ZNF546: variants seen among roughly 807,000 people sequenced by gnomAD.
ZNF546 encodes zinc finger protein 546.
Under a neutral mutation model 76.2 loss-of-function variants are expected in ZNF546, and 60 were observed. That is an observed-to-expected ratio of 0.79 (90% CI 0.64 to 0.98). The LOEUF is 0.98. Among genes scored for constraint, ZNF546 ranks in the 50% least tolerant of loss-of-function variants. The pLI, the probability that ZNF546 is intolerant of heterozygous loss-of-function variation, is 0.00. For synonymous variants in ZNF546, 277 were observed against 328.1 expected, an observed-to-expected ratio of 0.84 and a Z score of 1.68; for missense variants, 936 against 1,035.6, an observed-to-expected ratio of 0.90 and a Z score of 1.32.
At position 40,016,256 on chromosome 19, in the gene ZNF546, C is replaced by T. The variant is rs529967578; in HGVS notation, c.*475C>T. ...AAAATGCGGGCCAGGCACAGTGGCT[C>T]ACACCTGTAATCCCAGCACTATGGG... is the stretch of plus-strand genomic sequence containing the variant. On this transcript the variant is annotated 3_prime_UTR_variant, in exon 7 of 7. Transcript: ENST00000347077. 6 of 174,258 alleles carry T rather than the reference C, an allele frequency of 3.4e-5. No individual in the cohort carries two copies. In the South Asian group the frequency reaches 6.5e-4, roughly 19 times the overall value. The allele number at this position is 174,258 out of a possible 1,614,324, so 10.8% of individuals were successfully genotyped here. A position where few individuals can be genotyped will look rare whatever the true frequency, so the allele number is the denominator to read the frequency against.
At chr19:40,008,686 A>G in intron 6 of ZNF546, 121 bp downstream of exon 6, 1 of 612,578 alleles carries the variant, frequency 1.6e-6, no homozygotes, top group Non-Finnish European at 2.8e-6. Flanking sequence ...GCCTGTGGAA[A>G]AAGGACTGAT....
intron 6 of ZNF546, 131 bp from the exon 7 acceptor site, chr19:40,013,534 T>C (rs1971697823): frequency 6.1e-6 from 5 of 821,016 alleles, no homozygotes; most frequent in Non-Finnish European, 9.1e-6. Context: ...ACCATTTATT[T>C]CTAATGTATG....
At position 40,018,293 on chromosome 19, in the gene ZNF546, C is replaced by A. The variant is rs931033959; in HGVS notation, c.*2512C>A. 1 of 152,048 alleles carries A rather than the reference C, an allele frequency of 6.6e-6. No homozygotes were observed. The highest frequency in any genetic ancestry group is 6.6e-5 in the Admixed American group (1 of 15,264). 9.4% of individuals were successfully genotyped at this position (152,048 alleles called of 1,614,324 possible). On this transcript the variant is annotated 3_prime_UTR_variant, in exon 7 of 7. Coordinates refer to ENST00000347077, the MANE Select transcript of ZNF546 (RefSeq NM_178544.5). ...CCTTCCCAAAGTATTTTTAAATGTG[C>A]TTTTTTATCCCCAGTATTTCCCATT...
chr19:40,005,175 T>A (rs1300454261), intron 3 of ZNF546, among the ~76,000 whole-genome samples: 1 of 151,868 alleles, frequency 6.6e-6, no homozygotes, highest in Non-Finnish European at 1.5e-5. Flanking sequence ...TGTGCCACCA[T>A]GCCTAGCTAA....
At chr19:40,004,502 C>T (rs1377821965) in intron 3 of ZNF546, among the ~76,000 whole-genome samples, 1 of 152,164 alleles carries the variant, frequency 6.6e-6, no homozygotes, top group Admixed American at 6.6e-5. Context: ...CTCCTAACCT[C>T]AGGTGATCCA....
chr19:40,012,608 A>C (rs1489966707), intron 6 of ZNF546, among the ~76,000 whole-genome samples: 1 of 152,202 alleles, frequency 6.6e-6, no homozygotes, highest in Admixed American at 6.5e-5. Flanking sequence ...AGGGAAAAGA[A>C]TTAGGTACAG....
At chr19:40,012,806 T>C (rs889129236) in intron 6 of ZNF546, among the ~76,000 whole-genome samples, 10 of 152,028 alleles carry the variant, frequency 6.6e-5, no homozygotes, top group African/African-American at 2.2e-4. Context: ...TATTCACCTA[T>C]TTTACCATTC....
At chr19:40,001,333 C>G (rs551463770) in intron 3 of ZNF546, among the ~76,000 whole-genome samples, 4 of 151,952 alleles carry the variant, frequency 2.6e-5, no homozygotes, top group East Asian at 1.9e-4. Context: ...TGATGTCCCC[C>G]CTTTGGTAGT....
chr19:40,001,445 C>T (rs1356091850), intron 3 of ZNF546, among the ~76,000 whole-genome samples: 4 of 151,700 alleles, frequency 2.6e-5, no homozygotes, highest in Non-Finnish European at 5.9e-5. Context: ...TCATTGCAAC[C>T]TCTGCCTCCC....
At chr19:39,998,922 G>A (rs183405988) in intron 3 of ZNF546, among the ~76,000 whole-genome samples, 1 of 152,008 alleles carries the variant, frequency 6.6e-6, no homozygotes, top group African/African-American at 2.4e-5. Context: ...ACAGGCGCCT[G>A]CCACCATGCC....
rs1159143954 is a variant in ZNF546 at position 39,998,562 on chromosome 19, A to G, written c.84+152A>G. On this transcript the variant is annotated intron_variant, in intron 3 of 6. Transcript: ENST00000347077. Reference sequence around the variant, plus strand: ...GATTAGAGATGACCTGACTAGTGTCAGTAAGCAAGTGATAATGGTCGCCTG... The same window carrying G: ...GATTAGAGATGACCTGACTAGTGTCGGTAAGCAAGTGATAATGGTCGCCTG... 6.4e-6 allele frequency: 4 copies of G among 624,054 alleles called. No homozygotes were observed. In the African/African-American group the frequency reaches 7.3e-5, roughly 11 times the overall value. The allele number at this position is 624,054 out of a possible 1,614,324, so 38.7% of individuals were successfully genotyped here. A position where few individuals can be genotyped will look rare whatever the true frequency, so the allele number is the denominator to read the frequency against.
intron 6 of ZNF546, 130 bp from the exon 7 acceptor site, chr19:40,013,535 C>A: frequency 1.2e-6 from 1 of 820,630 alleles, no homozygotes; most frequent in Admixed American, 3.3e-5. Flanking sequence ...CCATTTATTT[C>A]TAATGTATGT....
rs1387832456 is a variant in ZNF546, at chr19:40,017,259, C to A, written c.*1478C>A. 2 of 152,170 alleles carry A rather than the reference C, an allele frequency of 1.3e-5. No individual in the cohort carries two copies. The highest frequency in any genetic ancestry group is 2.9e-5 in the Non-Finnish European group (2 of 68,032). The allele number at this position is 152,170 out of a possible 1,614,324, so 9.4% of individuals were successfully genotyped here. On this transcript the variant is annotated 3_prime_UTR_variant, in exon 7 of 7. Coordinates refer to ENST00000347077, the MANE Select transcript of ZNF546 (RefSeq NM_178544.5). The stretch of plus-strand genomic sequence containing the variant: ...TTATGAGAGTAAAGTTTTGAAGACT[C>A]AGGGATAGCTGTAATGCTTTTTTCT...
At chr19:40,008,371 A>C in intron 5 of ZNF546, 99 bp from the exon 6 acceptor site, 1 of 799,472 alleles carries the variant, frequency 1.3e-6, no homozygotes, top group Non-Finnish European at 2.0e-6. Flanking sequence ...TTTCACCTGC[A>C]GTTTCTTACA....
Position 40,015,563 on chromosome 19 carries a change from A to C in ZNF546, c.2293A>C (p.Thr765Pro), listed in dbSNP as rs1555725264. ...GNAFRLQAEL[T>P]RHHIVHTGEK... is the part of the protein sequence containing the mutation. ...TGCCTTTCGTCTTCAAGCAGAACTT[A>C]CTCGACATCACATAGTTCACACGGG... The change falls in exon 7 of 7, where the codon ACT becomes CCT. Residue 765 changes from threonine (T) to proline (P), a missense_variant. By Grantham distance (38) the Thr-to-Pro change is conservative. Transcript: ENST00000347077. 5 of 1,614,098 alleles carry C rather than the reference A, an allele frequency of 3.1e-6. No homozygotes were observed. Among genetic ancestry groups the C allele is most frequent in the African/African-American group, 2.7e-5 (2 of 75,028 alleles).
At chr19:40,011,338 G>C (rs931354707) in intron 6 of ZNF546, 1 of 151,600 alleles carries the variant, frequency 6.6e-6, no homozygotes, top group African/African-American at 2.4e-5. Context: ...CAATTCTTCT[G>C]CCTCAGCCTC....
In ZNF546 at chr19:40,014,746, C is replaced by T. The variant is rs143639575; in HGVS notation, c.1476C>T (p.Thr492=). ...YQLTLHLRTH[T]GEIPYECKEC... is the part of the protein sequence containing the mutation. Reference sequence around the variant, plus strand: ...TTACTTTACATCTGAGAACTCACACCGGTGAGATTCCCTATGAATGTAAGG... The same window carrying T: ...TTACTTTACATCTGAGAACTCACACTGGTGAGATTCCCTATGAATGTAAGG... The change falls in exon 7 of 7, where the codon ACC becomes ACT. Residue 492 remains threonine, a synonymous_variant. Coordinates refer to ENST00000347077, the MANE Select transcript of ZNF546 (RefSeq NM_178544.5). 7.3e-5 allele frequency: 118 copies of T among 1,612,474 alleles called. 1 individual carries two copies. The highest frequency in any genetic ancestry group is 8.3e-5 in the Non-Finnish European group (98 of 1,179,730).
intron 3 of ZNF546, among the ~76,000 whole-genome samples, chr19:40,004,930 T>C (rs2144641100): frequency 7.0e-6 from 1 of 142,646 alleles, no homozygotes; most frequent in African/African-American, 3.1e-5. Context: ...CTCAGAATGC[T>C]GAATTCTACC....
chr19:40,003,926 C>T (rs1367363897), intron 3 of ZNF546, among the ~76,000 whole-genome samples: 3 of 151,286 alleles, frequency 2.0e-5, no homozygotes, highest in Non-Finnish European at 2.9e-5. Flanking sequence ...GCAGGAGAAT[C>T]ACTTGAACCT....
Sources: allele counts gnomAD v4.1 joint callset (sites outside exome capture counted in the v4.1 genomes callset), GRCh38; gene constraint gnomAD v4.1.1; transcripts MANE v1.5; gene names NCBI Gene and HGNC (gene_info 2026-07-23, HGNC 2026-07-21).